The following REL variants were observed in gnomAD, a reference collection of about 807,000 sequenced individuals.
REL encodes proto-oncogene c-Rel.
Under a neutral mutation model 45.9 loss-of-function variants are expected in REL, and 15 were observed. The ratio of observed to expected loss-of-function variants is 0.33; its 90% CI spans 0.22 to 0.50. REL has a LOEUF of 0.50. Ranked by LOEUF, REL falls within the 20% of genes least tolerant of loss-of-function variation. The pLI, the probability that REL is intolerant of heterozygous loss-of-function variation, is 0.98. For missense variants in REL, 601 were observed against 715.2 expected, an observed-to-expected ratio of 0.84 and a Z score of 1.82; for synonymous variants, 239 against 242.1, an observed-to-expected ratio of 0.99 and a Z score of 0.12.
At position 60,927,652 on chromosome 2, in the gene REL, T is replaced by A. The variant is rs938044235; in HGVS notation, c.*5117T>A. 14 of 230,066 alleles carry A rather than the reference T, an allele frequency of 6.1e-5. No homozygotes were observed. The highest frequency in any genetic ancestry group is 8.6e-5 in the Non-Finnish European group (10 of 115,980). The allele number at this position is 230,066 out of a possible 1,614,324, so 14.3% of individuals were successfully genotyped here. On this transcript the variant is annotated 3_prime_UTR_variant, in exon 10 of 10. Transcript: ENST00000394479. ...TGAATGTCCAATGTGCAAAGCACGA[T>A]GTTGGAAATTATACAGAGGTGAATA...
rs771700022 is a variant in REL, at chr2:60,920,018, T to C, written c.854-23T>C. On this transcript the variant is annotated intron_variant, in intron 7 of 9. Coordinates refer to ENST00000394479, the MANE Select transcript of REL (RefSeq NM_001291746.2). ...TACAATCCTATAATTTTTTATCTGC[T>C]TTCCTGGTTTCTTTCTAATCAGATA... 3 of 1,529,998 alleles carry C rather than the reference T, an allele frequency of 2.0e-6. No homozygotes were observed. In the African/African-American group the frequency reaches 4.2e-5, roughly 21 times the overall value. The allele number at this position is 1,529,998 out of a possible 1,614,324, so 94.8% of individuals were successfully genotyped here.
intron 4 of REL, among the ~76,000 whole-genome samples, chr2:60,913,540 C>T (rs1673877351): frequency 6.6e-6 from 1 of 152,160 alleles, no homozygotes; most frequent in Non-Finnish European, 1.5e-5. Flanking sequence ...CTCTTTCAGA[C>T]CTCAAATCCC....
At chr2:60,918,139 T>G (rs1674034057) in intron 5 of REL, 52 bp from the exon 6 acceptor site, 3 of 1,092,706 alleles carry the variant, frequency 2.7e-6, no homozygotes, top group South Asian at 1.4e-5. Context: ...CAAAAAGAAA[T>G]AAAATATTAC....
Position 60,900,282 on chromosome 2 carries a change from A to G in REL, c.303-710A>G, listed in dbSNP as rs1252908141. 2.0e-5 allele frequency: 3 copies of G among 152,240 alleles called. No homozygotes were observed. The East Asian group carries it at 5.7e-4, about 29-fold the overall frequency. The allele number at this position is 152,240 out of a possible 1,614,324, so 9.4% of individuals were successfully genotyped here. ...CACTTTTGTGAGCCTAGCAAAACAT[A>G]CCTGTGGGCTTCAACCTGTGAACAT... On this transcript the variant is annotated intron_variant, in intron 3 of 9. Coordinates refer to ENST00000394479, the MANE Select transcript of REL (RefSeq NM_001291746.2).
chr2:60,901,713 C>G (rs1287488697), intron 4 of REL, among the ~76,000 whole-genome samples: 2 of 152,126 alleles, frequency 1.3e-5, no homozygotes, highest in African/African-American at 2.4e-5. Context: ...ATACACTCCC[C>G]CCTTTTGAGT....
chr2:60,892,956 T>C lies in REL; in HGVS notation c.153+1131T>C, dbSNP rs773470403. ...TTTTAGTAGAGACAGGGTTTCACCATGTTAGCCAGGATGGTCTCAATCTCC... is the reference window on the plus strand; with the variant it reads ...TTTTAGTAGAGACAGGGTTTCACCACGTTAGCCAGGATGGTCTCAATCTCC... On this transcript the variant is annotated intron_variant, in intron 2 of 9. Coordinates refer to ENST00000394479, the MANE Select transcript of REL (RefSeq NM_001291746.2). 1.7e-3 allele frequency among the ~76,000 whole-genome samples: 265 copies of C among 152,272 alleles called. 3 individuals carry two copies. Among genetic ancestry groups the C allele is most frequent in the Non-Finnish European group, 9.1e-4 (62 of 68,024 alleles).
At chr2:60,916,763 T>C (rs1673972548) in intron 4 of REL, 114 bp from the exon 5 acceptor site, 2 of 612,572 alleles carry the variant, frequency 3.3e-6, no homozygotes. Flanking sequence ...TTTTTATTCA[T>C]ACATATTTGG....
At chr2:60,904,897 A>G in intron 4 of REL, among the ~76,000 whole-genome samples, 1 of 152,122 alleles carries the variant, frequency 6.6e-6, no homozygotes, top group Non-Finnish European at 1.5e-5. Flanking sequence ...CTCTAAGTAA[A>G]GAAAAGGAAA....
chr2:60,912,452 T>C (rs2103970024), intron 4 of REL, among the ~76,000 whole-genome samples: 1 of 152,290 alleles, frequency 6.6e-6, no homozygotes, highest in South Asian at 2.1e-4. Context: ...GGTTTTATTA[T>C]GGTGTTGTTT....
rs979793647 is a variant in REL at position 60,926,115 on chromosome 2, A to C, written c.*3580A>C. On this transcript the variant is annotated 3_prime_UTR_variant, in exon 10 of 10. Transcript: ENST00000394479. ...TTAGTATCTGAGGCACTTTTTCTGA[A>C]CTCTACTTGTGCACTGGATCCCTCC... 3 of 231,168 alleles carry C rather than the reference A, an allele frequency of 1.3e-5. No homozygotes were observed. The highest frequency in any genetic ancestry group is 2.6e-5 in the Non-Finnish European group (3 of 116,676). 14.3% of individuals were successfully genotyped at this position (231,168 alleles called of 1,614,324 possible). A position where few individuals can be genotyped will look rare whatever the true frequency, so the allele number is the denominator to read the frequency against.
At chr2:60,916,180 A>G (rs1673957635) in intron 4 of REL, among the ~76,000 whole-genome samples, 1 of 152,232 alleles carries the variant, frequency 6.6e-6, no homozygotes, top group South Asian at 2.1e-4. Flanking sequence ...TGGGAGGCCA[A>G]GGTGGGTGGA....
chr2:60,889,812 T>C (rs1573313441), intron 1 of REL, among the ~76,000 whole-genome samples: 1 of 152,178 alleles, frequency 6.6e-6, no homozygotes, highest in Non-Finnish European at 1.5e-5. Flanking sequence ...TATTCCATGG[T>C]GTATATGTGC....
At chr2:60,905,533 G>T (rs991668584) in intron 4 of REL, among the ~76,000 whole-genome samples, 3 of 152,092 alleles carry the variant, frequency 2.0e-5, no homozygotes, top group Non-Finnish European at 4.4e-5. Flanking sequence ...TGGGTCCTGG[G>T]AATCTACATT....
intron 1 of REL, among the ~76,000 whole-genome samples, chr2:60,883,434 G>T (rs997666022): frequency 7.2e-5 from 11 of 152,194 alleles, no homozygotes; most frequent in Admixed American, 6.5e-4. Context: ...AGTGACACCA[G>T]ACTTTCAGAT....
At chr2:60,883,944 C>A (rs1573308200) in intron 1 of REL, among the ~76,000 whole-genome samples, 1 of 129,452 alleles carries the variant, frequency 7.7e-6, no homozygotes. Context: ...TGTTAGAAAA[C>A]TGCCAGGCCT....
chr2:60,921,724 T>C (rs771581357), intron 9 of REL, 39 bp from the exon 10 acceptor site: 1 of 1,530,240 alleles, frequency 6.5e-7, no homozygotes, highest in Admixed American at 2.1e-5. Context: ...TATAATTTTG[T>C]TCATTTTAAT....
At chr2:60,892,253 A>T (rs1422453413) in intron 2 of REL, among the ~76,000 whole-genome samples, 19 of 151,896 alleles carry the variant, frequency 1.3e-4, no homozygotes, top group Non-Finnish European at 2.9e-5. Flanking sequence ...GGGCTAGAAC[A>T]TTTTTTTCTC....
intron 4 of REL, among the ~76,000 whole-genome samples, chr2:60,905,376 G>GTA (rs1673615935): frequency 6.6e-6 from 1 of 152,130 alleles, no homozygotes; most frequent in Non-Finnish European, 1.5e-5. Flanking sequence ...TTACAGGCAT[G>GTA]AGCCACCACA....
intron 4 of REL, chr2:60,911,245 T>A (rs1332951325): frequency 6.6e-6 from 1 of 152,184 alleles, no homozygotes; most frequent in African/African-American, 2.4e-5. Flanking sequence ...TTTGAAATTA[T>A]TATAGTGATA....
Sources: allele counts gnomAD v4.1 joint callset (sites outside exome capture counted in the v4.1 genomes callset), GRCh38; gene constraint gnomAD v4.1.1; transcripts MANE v1.5; gene names NCBI Gene and HGNC (gene_info 2026-07-23, HGNC 2026-07-21).